Variants in DCDC2 observed in about 807,000 individuals in gnomAD.
DCDC2 encodes doublecortin domain containing 2.
In DCDC2, 40 loss-of-function variants were observed where a neutral mutation model predicts 50.2. That is an observed-to-expected ratio of 0.80 (90% CI 0.62 to 1.04). The LOEUF (loss-of-function observed/expected upper bound fraction) is 1.04, where lower values mean the gene tolerates loss of function less well. DCDC2 is among the 50% of genes least tolerant of loss of function. The pLI is 0.00. For missense variants in DCDC2, 570 were observed against 581.9 expected, an observed-to-expected ratio of 0.98 and a Z score of 0.21; for synonymous variants, 234 against 210.6, an observed-to-expected ratio of 1.11 and a Z score of -0.96.
At chr6:24,178,719 TAC>T (rs1321016662) in intron 8 of DCDC2, 87 bp from the exon 9 acceptor site, 20 of 1,298,144 alleles carry the variant, frequency 1.5e-5, no homozygotes, top group Non-Finnish European at 2.1e-5. Flanking sequence ...ATACTTATAT[TAC>T]AGTCAAGTAA....
chr6:24,243,653 A>C (rs997390165), intron 7 of DCDC2, among the ~76,000 whole-genome samples: 2 of 152,216 alleles, frequency 1.3e-5, no homozygotes, highest in African/African-American at 4.8e-5. Context: ...TTTGGAAGGA[A>C]GGCCCAGACA....
At chr6:24,337,294 C>T (rs1760073580) in intron 2 of DCDC2, among the ~76,000 whole-genome samples, 1 of 152,138 alleles carries the variant, frequency 6.6e-6, no homozygotes, top group Non-Finnish European at 1.5e-5. Flanking sequence ...TTGTAAATTT[C>T]CATGTAAAAA....
intron 4 of DCDC2, among the ~76,000 whole-genome samples, chr6:24,297,778 T>C (rs903310565): frequency 2.0e-5 from 3 of 152,226 alleles, no homozygotes; most frequent in Non-Finnish European, 4.4e-5. Context: ...ATCAAAGGTT[T>C]AAATAAAATT....
At chr6:24,183,259 A>G (rs931745010) in intron 8 of DCDC2, among the ~76,000 whole-genome samples, 11 of 152,214 alleles carry the variant, frequency 7.2e-5, no homozygotes, top group African/African-American at 1.2e-4. Context: ...ATACCACTGA[A>G]CTGTATGTAC....
At chr6:24,287,318 G>A (rs1763635244) in intron 6 of DCDC2, among the ~76,000 whole-genome samples, 1 of 151,838 alleles carries the variant, frequency 6.6e-6, no homozygotes, top group Non-Finnish European at 1.5e-5. Flanking sequence ...CATTTGCTCA[G>A]TAGGAGCCTT....
chr6:24,247,178 C>A (rs1762695447), intron 7 of DCDC2, among the ~76,000 whole-genome samples: 1 of 152,138 alleles, frequency 6.6e-6, no homozygotes, highest in African/African-American at 2.4e-5. Context: ...AATCAAAGGA[C>A]TGCTTGAGCC....
At chr6:24,263,128 A>T (rs1763048197) in intron 7 of DCDC2, among the ~76,000 whole-genome samples, 1 of 152,256 alleles carries the variant, frequency 6.6e-6, no homozygotes, top group Non-Finnish European at 1.5e-5. Context: ...TCACCAAGAC[A>T]GTGCTTCCAC....
intron 8 of DCDC2, among the ~76,000 whole-genome samples, chr6:24,192,352 TG>T (rs1761333107): frequency 6.6e-6 from 1 of 151,894 alleles, no homozygotes; most frequent in Non-Finnish European, 1.5e-5. Context: ...GCCAATGAAA[TG>T]GCCAAAACGA....
At chr6:24,304,893 A>T (rs1455491157) in intron 2 of DCDC2, among the ~76,000 whole-genome samples, 1 of 152,136 alleles carries the variant, frequency 6.6e-6, no homozygotes, top group Non-Finnish European at 1.5e-5. Context: ...GTAACCTCAA[A>T]TTCCTGGGCT....
At chr6:24,179,547 CAAAAAAAAAAAAA>C (rs56731018) in intron 8 of DCDC2, among the ~76,000 whole-genome samples, 6 of 49,574 alleles carry the variant, frequency 1.2e-4, no homozygotes, top group Non-Finnish European at 1.6e-4. Context: ...GACACCATCT[CAAAAAAAAAAAAA>C]AAAAAAAAAA....
At chr6:24,228,440 T>TC (rs1277506483) in intron 7 of DCDC2, among the ~76,000 whole-genome samples, 2 of 152,236 alleles carry the variant, frequency 1.3e-5, no homozygotes, top group African/African-American at 2.4e-5. Context: ...TTGAGTTTTT[T>TC]CTCAAGCTCT....
At chr6:24,327,164 C>A (rs1759884996) in intron 2 of DCDC2, among the ~76,000 whole-genome samples, 1 of 149,422 alleles carries the variant, frequency 6.7e-6, no homozygotes, top group African/African-American at 2.4e-5. Context: ...TACAGGGAAA[C>A]CTAGGTTAGG....
At chr6:24,311,217 A>G (rs1209249199) in intron 2 of DCDC2, among the ~76,000 whole-genome samples, 1 of 152,210 alleles carries the variant, frequency 6.6e-6, no homozygotes, top group Non-Finnish European at 1.5e-5. Context: ...TGCCACATTT[A>G]CCATTCACTT....
chr6:24,290,814 C>G, intron 5 of DCDC2, 118 bp downstream of exon 5: 1 of 898,448 alleles, frequency 1.1e-6, no homozygotes, highest in Non-Finnish European at 1.6e-6. Context: ...ATATGCTTTC[C>G]ATTCTAAGTA....
rs143999869 is a variant in DCDC2 at position 24,307,267 on chromosome 6, G to T, written c.349-5223C>A. Among the ~76,000 whole-genome samples, 49 of 152,316 alleles carry T rather than the reference G, an allele frequency of 3.2e-4. No individual in the cohort carries two copies. The East Asian group carries it at 8.3e-3, about 26-fold the overall frequency. ...AAAAACAAACTCTGTCTAAAGAGGTGAGGAAAGGATGCTGTTAAATGATAC... is the reference window on the plus strand; with the variant it reads ...AAAAACAAACTCTGTCTAAAGAGGTTAGGAAAGGATGCTGTTAAATGATAC... On this transcript the variant is annotated intron_variant, in intron 2 of 9. Transcript: ENST00000378454.
chr6:24,300,499 C>T (rs1759349303), intron 4 of DCDC2, among the ~76,000 whole-genome samples: 1 of 152,208 alleles, frequency 6.6e-6, no homozygotes, highest in Admixed American at 6.5e-5. Flanking sequence ...AGGAGAAATG[C>T]TCTTTACTTA....
chr6:24,375,744 G>A, the DCDC2 span, among the ~76,000 whole-genome samples: 1 of 152,206 alleles, frequency 6.6e-6, no homozygotes, highest in East Asian at 1.9e-4. Context: ...TTTTGTCGCT[G>A]TTCTATCTGA....
intron 2 of DCDC2, among the ~76,000 whole-genome samples, chr6:24,306,494 T>TTAGA (rs28987368): frequency 0.04 from 5,225 of 129,320 alleles, 165 homozygotes; most frequent in East Asian, 0.1. Flanking sequence ...TGAGTGGAGA[T>TTAGA]TAGATAGATA....
intron 8 of DCDC2, among the ~76,000 whole-genome samples, chr6:24,202,496 G>A (rs1298835811): frequency 6.6e-6 from 1 of 152,096 alleles, no homozygotes; most frequent in African/African-American, 2.4e-5. Context: ...AATAGTAAGA[G>A]CTATTTATGA....
Sources: gnomAD v4.1 joint callset for allele counts (sites outside exome capture counted in the v4.1 genomes callset) on GRCh38, gnomAD v4.1.1 for gene constraint, MANE v1.5 for transcripts, NCBI Gene and HGNC (gene_info 2026-07-23, HGNC 2026-07-21) for gene names.